Variants in CHEK2 observed in about 807,000 individuals in gnomAD.
CHEK2 encodes the protein serine/threonine-protein kinase Chk2.
Under a neutral mutation model 69.1 loss-of-function variants are expected in CHEK2, and 71 were observed. The ratio of observed to expected loss-of-function variants is 1.03; its 90% CI spans 0.85 to 1.25. The LOEUF (loss-of-function observed/expected upper bound fraction) is 1.25. Among genes scored for constraint, CHEK2 ranks in the 50% most tolerant of loss-of-function variants. CHEK2 has a pLI of 0.00. For missense variants in CHEK2, 664 were observed against 649.6 expected (o/e 1.02, Z -0.24); for synonymous variants, 189 against 226.9 (o/e 0.83, Z 1.50).
At chr22:28,705,968 A>AAAACTACACTAAACTCAACT (rs2053121104) in intron 7 of CHEK2, among the ~76,000 whole-genome samples, 1 of 147,414 alleles carries the variant, frequency 6.8e-6, no homozygotes. Context: ...AACTAAACTA[A>AAAACTACACTAAACTCAACT]AAACTAAACT....
intron 5 of CHEK2, among the ~76,000 whole-genome samples, chr22:28,718,434 C>G (rs2053656693): frequency 6.6e-6 from 1 of 151,922 alleles, no homozygotes; most frequent in Middle Eastern, 3.4e-3. Context: ...GGATATATAT[C>G]CAAAAAAAAA....
At chr22:28,732,129 G>T (rs1304343999) in intron 2 of CHEK2, among the ~76,000 whole-genome samples, 56 of 148,046 alleles carry the variant, frequency 3.8e-4, no homozygotes, top group African/African-American at 1.3e-3. Flanking sequence ...TTTTTTTTTT[G>T]AGATGGAGTT....
chr22:28,718,506 T>C (rs963397603), intron 5 of CHEK2, among the ~76,000 whole-genome samples: 1 of 152,080 alleles, frequency 6.6e-6, no homozygotes, highest in African/African-American at 2.4e-5. Context: ...TTATTCACAA[T>C]AGCCAAGATA....
intron 5 of CHEK2, among the ~76,000 whole-genome samples, chr22:28,716,770 T>C (rs761876577): frequency 2.0e-5 from 3 of 152,194 alleles, no homozygotes; most frequent in Non-Finnish European, 4.4e-5. Flanking sequence ...ATCCTGATAC[T>C]TTCCTAAAGA....
At position 28,699,621 on chromosome 22, in the gene CHEK2, C is replaced by T. The variant is rs1046521327; in HGVS notation, c.1008+217G>A. The T allele has an allele frequency of 5.1e-5, 28 of 550,012 alleles. No individual in the cohort carries two copies. The African/African-American group carries it at 5.1e-4, about 10-fold the overall frequency. 34.1% of individuals were successfully genotyped at this position (550,012 alleles called of 1,614,324 possible). A position where few individuals can be genotyped will look rare whatever the true frequency, so the allele number is the denominator to read the frequency against. ...CTCGTGATCCGCCCGCTTGGCCTCC[C>T]AAAATGCTGGGATTATGGGCATGAA... On this transcript the variant is annotated intron_variant, in intron 9 of 14. Transcript: ENST00000404276.
chr22:28,706,382 T>A (rs2053143135), intron 7 of CHEK2, among the ~76,000 whole-genome samples: 1 of 151,770 alleles, frequency 6.6e-6, no homozygotes, highest in African/African-American at 2.4e-5. Context: ...CTGGGTAGGA[T>A]GGGGAAAACA....
intron 5 of CHEK2, chr22:28,712,257 T>G: frequency 1.8e-6 from 1 of 549,550 alleles, no homozygotes; most frequent in Non-Finnish European, 3.3e-6. Context: ...AACATGGGTC[T>G]TACTGTAGCC....
chr22:28,687,890 A>G lies in CHEK2; in HGVS notation c.*7T>C, dbSNP rs121908710. The G allele has an allele frequency of 1.1e-4, 174 of 1,593,510 alleles. 1 individual carries two copies. Among genetic ancestry groups the G allele is most frequent in the Non-Finnish European group, 4.8e-5 (57 of 1,177,212 alleles). On this transcript the variant is annotated 3_prime_UTR_variant, in exon 15 of 15. Transcript: ENST00000404276. Reference sequence around the variant, plus strand: ...GGTACATTTCTTTCGTGTTCAAACCACGGAGTTCACAACACAGCAGCACAC... The same window carrying G: ...GGTACATTTCTTTCGTGTTCAAACCGCGGAGTTCACAACACAGCAGCACAC...
intron 4 of CHEK2, chr22:28,724,419 A>G (rs2053913607): frequency 5.9e-6 from 1 of 170,114 alleles, no homozygotes; most frequent in African/African-American, 2.4e-5. Context: ...AAAAAAAACA[A>G]AACAAAACAA....
chr22:28,702,945 C>T (rs184625668), intron 8 of CHEK2, among the ~76,000 whole-genome samples: 2 of 152,244 alleles, frequency 1.3e-5, no homozygotes, highest in East Asian at 1.9e-4. Context: ...AAAATAATAA[C>T]AAGAAAAATG....
rs1289506074 is a variant in CHEK2, at chr22:28,702,399, C to T, written c.908+1106G>A. The stretch of plus-strand genomic sequence containing the variant: ...GACTACAGGAGCCCACCACCACACC[C>T]AGCTAATTTTTTGTATTTTTAGTAG... On this transcript the variant is annotated intron_variant, in intron 8 of 14. Coordinates refer to ENST00000404276, the MANE Select transcript of CHEK2 (RefSeq NM_007194.4). Among the ~76,000 whole-genome samples the T allele has an allele frequency of 4.6e-5, 7 of 151,486 alleles. No homozygotes were observed. In the South Asian group the frequency reaches 1.3e-3, roughly 27 times the overall value.
intron 14 of CHEK2, 116 bp downstream of exon 14, chr22:28,689,019 T>A: frequency 1.4e-6 from 1 of 702,848 alleles, no homozygotes; most frequent in Non-Finnish European, 2.5e-6. Context: ...TCTACTACAT[T>A]ATAACTGAAA....
At chr22:28,710,089 A>C (rs2145934887) in intron 6 of CHEK2, 30 bp from the exon 7 acceptor site, 1 of 1,401,958 alleles carries the variant, frequency 7.1e-7, no homozygotes, top group African/African-American at 1.4e-5. Context: ...AGAGTTTATT[A>C]GTAATAATAA....
chr22:28,721,697 T>C (rs1347804060), intron 4 of CHEK2: 21 of 428,418 alleles, frequency 4.9e-5, no homozygotes, highest in Non-Finnish European at 9.0e-5. Flanking sequence ...CATTCTACAA[T>C]GTATACATAT....
At chr22:28,695,272 G>C (rs1237085596) in intron 11 of CHEK2, 30 bp from the exon 12 acceptor site, 1 of 1,234,376 alleles carries the variant, frequency 8.1e-7, no homozygotes, top group Admixed American at 1.7e-5. Context: ...GAAAGGAAAA[G>C]AAATCAAGTG....
chr22:28,708,402 T>TGTG (rs1569135425), intron 7 of CHEK2, among the ~76,000 whole-genome samples: 4 of 146,836 alleles, frequency 2.7e-5, no homozygotes, highest in Non-Finnish European at 4.5e-5. Flanking sequence ...TGTGTGTGTG[T>TGTG]TAAAGAGAGA....
chr22:28,718,851 C>T (rs1259000832), intron 5 of CHEK2, among the ~76,000 whole-genome samples: 1 of 151,118 alleles, frequency 6.6e-6, no homozygotes, highest in African/African-American at 2.4e-5. Flanking sequence ...CACTGCACTC[C>T]AGCCTGTGCA....
chr22:28,691,296 A>T (rs2052353070), intron 13 of CHEK2, among the ~76,000 whole-genome samples: 1 of 152,122 alleles, frequency 6.6e-6, no homozygotes, highest in East Asian at 1.9e-4. Flanking sequence ...TCTGACCAAC[A>T]TGGTGAAACC....
chr22:28,735,320 C>T (rs185356576), intron 1 of CHEK2, among the ~76,000 whole-genome samples: 14 of 151,822 alleles, frequency 9.2e-5, no homozygotes, highest in East Asian at 5.9e-4. Context: ...GCAGGAGAAT[C>T]GCTTGAGCCC....
Sources: allele counts gnomAD v4.1 joint callset (sites outside exome capture counted in the v4.1 genomes callset), GRCh38; gene constraint gnomAD v4.1.1; transcripts MANE v1.5; gene names NCBI Gene and HGNC (gene_info 2026-07-23, HGNC 2026-07-21).